Variants in FOCAD observed in about 807,000 individuals in gnomAD.
The protein encoded by FOCAD is KIAA1797.
In FOCAD, 198 loss-of-function variants were observed where a neutral mutation model predicts 225.6. The ratio of observed to expected loss-of-function variants is 0.88; its 90% CI spans 0.78 to 0.99. FOCAD has a LOEUF of 0.99. FOCAD is among the 50% of genes least tolerant of loss of function. The probability of loss-of-function intolerance (pLI) is 0.00; values close to 1 mark genes in which losing one functional copy is unlikely to be tolerated. For synonymous variants in FOCAD, 897 were observed against 755.0 expected, an observed-to-expected ratio of 1.19 and a Z score of -3.08; for missense variants, 2,713 against 2,123.6, an observed-to-expected ratio of 1.28 and a Z score of -5.46.
At chr9:20,796,740 A>C (rs1471380649) in intron 11 of FOCAD, among the ~76,000 whole-genome samples, 1 of 152,114 alleles carries the variant, frequency 6.6e-6, no homozygotes, top group East Asian at 1.9e-4. Context: ...AGTAGATTGC[A>C]AAATTTTTCT....
intron 28 of FOCAD, among the ~76,000 whole-genome samples, chr9:20,943,686 T>C (rs1836894934): frequency 1.3e-5 from 2 of 152,148 alleles, no homozygotes; most frequent in Admixed American, 1.3e-4. Context: ...GGCATTGAGA[T>C]ACATTATTGG....
At chr9:20,976,713 G>T (rs1290098177) in intron 36 of FOCAD, among the ~76,000 whole-genome samples, 165 bp downstream of exon 36, 1 of 152,158 alleles carries the variant, frequency 6.6e-6, no homozygotes, top group Non-Finnish European at 1.5e-5. Flanking sequence ...CAGTCATTGA[G>T]CCCCTGAGGG....
intron 10 of FOCAD, chr9:20,787,077 G>T: frequency 5.9e-6 from 2 of 338,108 alleles, no homozygotes; most frequent in South Asian, 2.4e-5. Context: ...TCTAACCTTA[G>T]GCAAACAAAC....
chr9:20,902,447 T>C (rs1010367827), intron 21 of FOCAD, among the ~76,000 whole-genome samples: 1 of 151,862 alleles, frequency 6.6e-6, no homozygotes, highest in Non-Finnish European at 1.5e-5. Context: ...GGTGGAGAAA[T>C]TGGTTAAAGG....
At chr9:20,732,245 A>G (rs985995227) in intron 4 of FOCAD, among the ~76,000 whole-genome samples, 3 of 152,224 alleles carry the variant, frequency 2.0e-5, no homozygotes, top group Non-Finnish European at 4.4e-5. Context: ...AACTCATTCA[A>G]AGTATACTGT....
In FOCAD at chr9:20,839,948, T is replaced by G. The variant is rs1050902152; in HGVS notation, c.1920+16833T>G. ...TCCCCAGTGTATGTTCTTGGCATCT[T>G]TGTCAAAAATTAGTTCACTCTAGAT... On this transcript the variant is annotated intron_variant, in intron 15 of 43. Transcript: ENST00000338382. 3.3e-5 allele frequency among the ~76,000 whole-genome samples: 5 copies of G among 152,168 alleles called. No individual in the cohort carries two copies. The East Asian group carries it at 9.6e-4, about 29-fold the overall frequency.
chr9:20,800,959 T>C (rs1821752987), intron 11 of FOCAD, among the ~76,000 whole-genome samples: 1 of 152,154 alleles, frequency 6.6e-6, no homozygotes, highest in African/African-American at 2.4e-5. Context: ...CTGCTCTGTT[T>C]TTTCCCCATC....
chr9:20,914,640 G>A (rs972212180), intron 23 of FOCAD, among the ~76,000 whole-genome samples: 4 of 152,162 alleles, frequency 2.6e-5, no homozygotes, highest in African/African-American at 9.7e-5. Context: ...TGTGTGGCAT[G>A]GAGAGCGCAA....
chr9:20,852,537 C>G (rs751729352), intron 15 of FOCAD, among the ~76,000 whole-genome samples: 40 of 151,732 alleles, frequency 2.6e-4, no homozygotes, highest in Non-Finnish European at 4.7e-4. Flanking sequence ...TTCAGGAACT[C>G]TCAACATTGG....
intron 11 of FOCAD, among the ~76,000 whole-genome samples, chr9:20,808,664 G>C (rs1822722892): frequency 6.6e-6 from 1 of 152,098 alleles, no homozygotes; most frequent in African/African-American, 2.4e-5. Context: ...AAGCTGATCG[G>C]GAAGGCAGGG....
chr9:20,773,027 A>G (rs1818393700), intron 8 of FOCAD, among the ~76,000 whole-genome samples: 1 of 151,866 alleles, frequency 6.6e-6, no homozygotes, highest in Non-Finnish European at 1.5e-5. Flanking sequence ...AAGATATTTT[A>G]TAGATCAGTA....
In FOCAD at chr9:20,995,775, C is replaced by T; in HGVS notation, c.*146C>T. The stretch of plus-strand genomic sequence containing the variant: ...GAAAAGATGGCCACATCACTGACAG[C>T]TTGACACATGCCTCCTAAGAGAGGA... On this transcript the variant is annotated 3_prime_UTR_variant, in exon 44 of 44. Coordinates refer to ENST00000338382, the MANE Select transcript of FOCAD (RefSeq NM_001375567.1). The T allele has an allele frequency of 9.7e-6, 6 of 620,334 alleles. No homozygotes were observed. Among genetic ancestry groups the T allele is most frequent in the Non-Finnish European group, 1.7e-5 (6 of 359,380 alleles). 38.4% of individuals were successfully genotyped at this position (620,334 alleles called of 1,614,324 possible). A position where few individuals can be genotyped will look rare whatever the true frequency, so the allele number is the denominator to read the frequency against.
chr9:20,707,758 G>A (rs972130641), intron 1 of FOCAD, among the ~76,000 whole-genome samples: 1 of 152,108 alleles, frequency 6.6e-6, no homozygotes, highest in Non-Finnish European at 1.5e-5. Context: ...ACGTATAAGT[G>A]GACCTTTTCT....
At chr9:20,661,599 T>C (rs994838418) in intron 2 of FOCAD, among the ~76,000 whole-genome samples, 3 of 152,152 alleles carry the variant, frequency 2.0e-5, no homozygotes, top group African/African-American at 7.2e-5. Context: ...TTTCTCACTA[T>C]CTCTCTTCCT....
chr9:20,797,772 T>C (rs901953061), intron 11 of FOCAD, among the ~76,000 whole-genome samples: 4 of 152,206 alleles, frequency 2.6e-5, no homozygotes, highest in Non-Finnish European at 4.4e-5. Context: ...TTTCTAGATA[T>C]ACAATCATGC....
intron 6 of FOCAD, among the ~76,000 whole-genome samples, chr9:20,758,803 A>G (rs560790836): frequency 2.7e-4 from 41 of 152,090 alleles, no homozygotes; most frequent in Admixed American, 1.4e-3. Context: ...AGGGTATTCA[A>G]TTATGAAAAG....
intron 5 of FOCAD, among the ~76,000 whole-genome samples, chr9:20,745,899 G>A (rs1828001757): frequency 1.3e-5 from 2 of 152,134 alleles, no homozygotes. Flanking sequence ...TTAAAGTTAT[G>A]TGCTCTATGT....
intron 21 of FOCAD, among the ~76,000 whole-genome samples, chr9:20,895,565 A>G (rs924085396): frequency 6.6e-6 from 1 of 151,704 alleles, no homozygotes; most frequent in Non-Finnish European, 1.5e-5. Flanking sequence ...GCGCATATAT[A>G]TGTGTATATA....
intron 1 of FOCAD, among the ~76,000 whole-genome samples, chr9:20,711,339 G>C (rs1824830194): frequency 6.6e-6 from 1 of 152,188 alleles, no homozygotes; most frequent in Non-Finnish European, 1.5e-5. Context: ...GAAGTTGAAT[G>C]GGTAAGACTG....
Sources: allele counts gnomAD v4.1 joint callset (sites outside exome capture counted in the v4.1 genomes callset), GRCh38; gene constraint gnomAD v4.1.1; transcripts MANE v1.5; gene names NCBI Gene and HGNC (gene_info 2026-07-23, HGNC 2026-07-21).